PDE4D: variants seen among roughly 807,000 people sequenced by gnomAD.
The protein encoded by PDE4D is 3',5'-cyclic-AMP phosphodiesterase 4D.
A neutral mutation model predicts 87.4 loss-of-function variants in PDE4D; 24 were observed. The observed-to-expected ratio is 0.27, with a 90% confidence interval of 0.20 to 0.39. The LOEUF (loss-of-function observed/expected upper bound fraction) is 0.39, where lower values mean the gene tolerates loss of function less well. PDE4D is among the 10% of genes least tolerant of loss of function. The probability of loss-of-function intolerance (pLI) is 1.00; values close to 1 mark genes in which losing one functional copy is unlikely to be tolerated. For synonymous variants in PDE4D, 384 were observed against 383.2 expected, an observed-to-expected ratio of 1.00 and a Z score of -0.02; for missense variants, 714 against 1,041.0, an observed-to-expected ratio of 0.69 and a Z score of 4.32.
intron 1 of PDE4D, among the ~76,000 whole-genome samples, chr5:59,873,716 C>A (rs543882438): frequency 2.0e-5 from 3 of 152,148 alleles, no homozygotes; most frequent in East Asian, 1.9e-4. Context: ...ATACTCTATA[C>A]GATGATAGAA....
At chr5:60,086,133 T>C (rs552447275) in intron 2 of PDE4D, among the ~76,000 whole-genome samples, 2 of 152,292 alleles carry the variant, frequency 1.3e-5, no homozygotes, top group East Asian at 3.9e-4. Context: ...AAATCTCAAC[T>C]AGAAAAAATA....
chr5:60,203,130 C>A (rs1687340003), intron 1 of PDE4D, among the ~76,000 whole-genome samples: 1 of 152,122 alleles, frequency 6.6e-6, no homozygotes, highest in African/African-American at 2.4e-5. Context: ...CACCACTACG[C>A]TCGACTAATT....
At chr5:60,162,565 G>GC (rs1016944439) in intron 2 of PDE4D, among the ~76,000 whole-genome samples, 2 of 152,120 alleles carry the variant, frequency 1.3e-5, no homozygotes, top group African/African-American at 4.8e-5. Flanking sequence ...CTAAAAGGCA[G>GC]CATTAGTCAG....
At chr5:60,519,488 A>G (rs1039859826) in intron 1 of PDE4D, among the ~76,000 whole-genome samples, 5 of 152,260 alleles carry the variant, frequency 3.3e-5, no homozygotes, top group Non-Finnish European at 7.3e-5. Context: ...TGACCTTTAA[A>G]TGTGCTGGTT....
intron 1 of PDE4D, among the ~76,000 whole-genome samples, chr5:60,349,263 G>GA (rs1268004388): frequency 6.6e-6 from 1 of 151,940 alleles, no homozygotes; most frequent in Non-Finnish European, 1.5e-5. Context: ...ATACATGAAA[G>GA]AAAAAAATTC....
chr5:60,015,348 T>C (rs1420375978), intron 2 of PDE4D, among the ~76,000 whole-genome samples: 2 of 152,134 alleles, frequency 1.3e-5, no homozygotes, highest in East Asian at 3.9e-4. Context: ...CCTCACACCA[T>C]GAAGTAGGTT....
chr5:59,436,687 C>T (rs1450341052), intron 1 of PDE4D, among the ~76,000 whole-genome samples: 1 of 152,082 alleles, frequency 6.6e-6, no homozygotes, highest in Non-Finnish European at 1.5e-5. Flanking sequence ...TTTTTATAAG[C>T]AGGTAAGTTT....
intron 6 of PDE4D, among the ~76,000 whole-genome samples, chr5:58,998,447 C>T (rs2153350325): frequency 6.6e-6 from 1 of 152,062 alleles, no homozygotes; most frequent in Non-Finnish European, 1.5e-5. Flanking sequence ...GATTTTTAGC[C>T]AAGAAATGGC....
chr5:59,794,020 C>A (rs1037345318), intron 1 of PDE4D, among the ~76,000 whole-genome samples: 1 of 152,182 alleles, frequency 6.6e-6, no homozygotes, highest in African/African-American at 2.4e-5. Flanking sequence ...CATGTGTATA[C>A]ACACACATGC....
At chr5:59,484,277 T>C (rs556039404) in intron 1 of PDE4D, among the ~76,000 whole-genome samples, 4 of 152,326 alleles carry the variant, frequency 2.6e-5, no homozygotes, top group East Asian at 1.9e-4. Context: ...ATACCAGCAC[T>C]AACTGGTGAT....
At chr5:59,628,536 G>C (rs61237484) in intron 1 of PDE4D, among the ~76,000 whole-genome samples, 1,744 of 152,104 alleles carry the variant, frequency 0.011, 36 homozygotes, top group African/African-American at 0.04. Flanking sequence ...TTCTTTTTTA[G>C]ATACTTATAC....
At chr5:59,951,816 ATTAT>A (rs1758321367) in intron 3 of PDE4D, among the ~76,000 whole-genome samples, 2 of 152,168 alleles carry the variant, frequency 1.3e-5, no homozygotes, top group African/African-American at 2.4e-5. Flanking sequence ...TCCTCTAAAG[ATTAT>A]AAAAATATAG....
At chr5:59,997,551 C>T (rs1763627007) in intron 2 of PDE4D, among the ~76,000 whole-genome samples, 1 of 152,034 alleles carries the variant, frequency 6.6e-6, no homozygotes, top group South Asian at 2.1e-4. Flanking sequence ...CTAGAATAAA[C>T]TAACAAATAT....
At position 59,136,248 on chromosome 5, in the gene PDE4D, T is replaced by C. The variant is rs576332796; in HGVS notation, c.808+44347A>G. 8.2e-4 allele frequency among the ~76,000 whole-genome samples: 125 copies of C among 152,296 alleles called. No homozygotes were observed. The South Asian group carries it at 0.011, about 13-fold the overall frequency. Reference sequence around the variant, plus strand: ...AATTAAATTAGATGGGGAAAATATGTTTTTTGTGAATCTCAGGGTCAGTGT... The same window carrying C: ...AATTAAATTAGATGGGGAAAATATGCTTTTTGTGAATCTCAGGGTCAGTGT... On this transcript the variant is annotated intron_variant, in intron 5 of 14. Coordinates refer to ENST00000340635, the MANE Select transcript of PDE4D (RefSeq NM_001104631.2).
intron 1 of PDE4D, among the ~76,000 whole-genome samples, chr5:60,382,840 G>C (rs952121059): frequency 2.0e-5 from 3 of 152,184 alleles, no homozygotes; most frequent in African/African-American, 7.2e-5. Context: ...GAGCGCTAGG[G>C]AAGTCAGTTC....
chr5:60,097,858 A>C (rs940255833), intron 2 of PDE4D, among the ~76,000 whole-genome samples: 1 of 151,956 alleles, frequency 6.6e-6, no homozygotes, highest in African/African-American at 2.4e-5. Context: ...TCAGACCCAG[A>C]AGGAACTAGA....
At chr5:60,100,930 T>C (rs1776154454) in intron 2 of PDE4D, among the ~76,000 whole-genome samples, 1 of 152,068 alleles carries the variant, frequency 6.6e-6, no homozygotes, top group African/African-American at 2.4e-5. Flanking sequence ...GACTTCAAAA[T>C]GGATTTTGCA....
At chr5:59,072,893 G>C (rs925902608) in intron 5 of PDE4D, among the ~76,000 whole-genome samples, 2 of 152,094 alleles carry the variant, frequency 1.3e-5, no homozygotes, top group East Asian at 3.8e-4. Flanking sequence ...TAGGATGACC[G>C]ATTCTGAAGC....
At chr5:60,289,812 G>A (rs920222869) in intron 1 of PDE4D, among the ~76,000 whole-genome samples, 1 of 152,108 alleles carries the variant, frequency 6.6e-6, no homozygotes, top group African/African-American at 2.4e-5. Flanking sequence ...AAGGTACCAG[G>A]AAACCCCAAC....
Sources: gnomAD v4.1 joint callset for allele counts (sites outside exome capture counted in the v4.1 genomes callset) on GRCh38, gnomAD v4.1.1 for gene constraint, MANE v1.5 for transcripts, NCBI Gene and HGNC (gene_info 2026-07-23, HGNC 2026-07-21) for gene names.